The following DACH1 variants were observed in gnomAD, a reference collection of about 807,000 sequenced individuals.
The protein encoded by DACH1 is dachshund family transcription factor 1, also known as dachshund homolog 1.
Under a neutral mutation model 54.2 loss-of-function variants are expected in DACH1, and 12 were observed. The ratio of observed to expected loss-of-function variants is 0.22; its 90% CI spans 0.14 to 0.36. DACH1 has a LOEUF of 0.36. Among genes scored for constraint, DACH1 ranks in the 10% least tolerant of loss-of-function variants. The pLI, the probability that DACH1 is intolerant of heterozygous loss-of-function variation, is 1.00. For missense variants in DACH1, 805 were observed against 929.8 expected, an observed-to-expected ratio of 0.87 and a Z score of 1.75; for synonymous variants, 386 against 366.2, an observed-to-expected ratio of 1.05 and a Z score of -0.62.
intron 1 of DACH1, among the ~76,000 whole-genome samples, chr13:71,745,267 G>A (rs1884556666): frequency 6.6e-6 from 1 of 151,834 alleles, no homozygotes; most frequent in African/African-American, 2.4e-5. Context: ...TCTACTACAG[G>A]TTCATTATCA....
intron 1 of DACH1, among the ~76,000 whole-genome samples, chr13:71,800,726 T>C (rs1887258463): frequency 6.6e-6 from 1 of 152,104 alleles, no homozygotes; most frequent in African/African-American, 2.4e-5. Flanking sequence ...TGTAAGCCTG[T>C]TTTCTAGGAT....
At chr13:71,567,815 T>C (rs1884981956) in intron 4 of DACH1, among the ~76,000 whole-genome samples, 1 of 152,050 alleles carries the variant, frequency 6.6e-6, no homozygotes, top group Admixed American at 6.6e-5. Flanking sequence ...CTGCGTTTCT[T>C]CCTTTCACTA....
chr13:71,864,541 G>T (rs1161069716), intron 1 of DACH1, among the ~76,000 whole-genome samples: 3 of 152,064 alleles, frequency 2.0e-5, no homozygotes, highest in Non-Finnish European at 4.4e-5. Context: ...TTATTTGGAG[G>T]GTACCGAAGT....
chr13:71,823,541 C>T (rs940123842), intron 1 of DACH1, among the ~76,000 whole-genome samples: 1 of 151,950 alleles, frequency 6.6e-6, no homozygotes, highest in Non-Finnish European at 1.5e-5. Flanking sequence ...TGAAGTACTT[C>T]TGGATGTTAA....
At chr13:71,493,067 G>A (rs1426126386) in intron 6 of DACH1, among the ~76,000 whole-genome samples, 2 of 150,516 alleles carry the variant, frequency 1.3e-5, no homozygotes, top group African/African-American at 4.9e-5. Context: ...AGCACGAAGT[G>A]GCCTCTAAGA....
intron 1 of DACH1, among the ~76,000 whole-genome samples, chr13:71,732,044 A>G (rs1264791926): frequency 6.6e-6 from 1 of 152,154 alleles, no homozygotes; most frequent in African/African-American, 2.4e-5. Flanking sequence ...ACCTTTATAA[A>G]ACTTATGTTA....
At chr13:71,695,414 A>G (rs1296535614) in intron 1 of DACH1, among the ~76,000 whole-genome samples, 2 of 152,258 alleles carry the variant, frequency 1.3e-5, no homozygotes, top group African/African-American at 4.8e-5. Flanking sequence ...ATACATAGCT[A>G]TGACACTAAG....
chr13:71,604,975 A>T (rs979418552), intron 3 of DACH1, among the ~76,000 whole-genome samples: 3 of 151,838 alleles, frequency 2.0e-5, no homozygotes, highest in Admixed American at 2.0e-4. Flanking sequence ...CCCATTGACA[A>T]AGTGGTCTAT....
Position 71,559,931 on chromosome 13 carries a change from G to A in DACH1, c.1324C>T (p.Pro442Ser). 6.3e-7 allele frequency: 1 copy of A among 1,596,508 alleles called. No homozygotes were observed. The highest frequency in any genetic ancestry group is 8.5e-7 in the Non-Finnish European group (1 of 1,171,964). Residue 442 changes from proline to serine, a missense_variant, in exon 5 of 11, where the codon CCT (proline) becomes TCT (serine). Pro to Ser is a moderately conservative substitution (Grantham distance 74). This residue lies in a region of DACH1 where 472 missense variants were observed against 545.3 expected (regional missense o/e 0.87). Transcript: ENST00000613252. ...IKERVPDSPS[P>S]APSLEEGRRP... is the part of the protein sequence containing the mutation. ...CTCCCCTCCTCCAGAGAGGGGGCAG[G>A]TGAGGGGCTATCAGGAACACGCTCC...
intron 1 of DACH1, among the ~76,000 whole-genome samples, chr13:71,771,965 A>G (rs1885875263): frequency 6.6e-6 from 1 of 151,526 alleles, no homozygotes; most frequent in Admixed American, 6.6e-5. Context: ...ATAACGTGTT[A>G]TCTAAAGTTA....
intron 1 of DACH1, among the ~76,000 whole-genome samples, chr13:71,862,207 GA>G (rs1594315173): frequency 1.3e-5 from 2 of 151,866 alleles, no homozygotes; most frequent in Non-Finnish European, 2.9e-5. Flanking sequence ...AACAATGAAA[GA>G]AATGAATATT....
chr13:71,803,364 C>T (rs371072036), intron 1 of DACH1, among the ~76,000 whole-genome samples: 8 of 152,014 alleles, frequency 5.3e-5, no homozygotes, highest in Admixed American at 3.9e-4. Context: ...TTTTTTGATG[C>T]GTTTAACTAG....
rs571557296 is a variant in DACH1, at chr13:71,548,765, A to G, written c.1570+8259T>C. ...AACCTCATCTCCACTAAAAATACAA[A>G]AAGTAGCCGGTGTGGTGGCGTGTGC... On this transcript the variant is annotated intron_variant, in intron 6 of 10. Transcript: ENST00000613252. 2.0e-5 allele frequency among the ~76,000 whole-genome samples: 3 copies of G among 152,038 alleles called. 1 individual carries two copies. Among genetic ancestry groups the G allele is most frequent in the South Asian group, 4.2e-4 (2 of 4,808 alleles).
At chr13:71,589,496 A>G (rs918647383) in intron 3 of DACH1, among the ~76,000 whole-genome samples, 3 of 152,002 alleles carry the variant, frequency 2.0e-5, no homozygotes, top group African/African-American at 7.2e-5. Flanking sequence ...TAGTAAATAA[A>G]TGATGATCTC....
intron 1 of DACH1, among the ~76,000 whole-genome samples, chr13:71,827,127 G>C (rs1888411864): frequency 1.3e-5 from 2 of 152,024 alleles, no homozygotes; most frequent in Admixed American, 1.3e-4. Context: ...GAGTAGAAGA[G>C]AAAAAGCTGG....
chr13:71,531,982 T>C (rs561245171), intron 6 of DACH1, among the ~76,000 whole-genome samples: 1 of 152,106 alleles, frequency 6.6e-6, no homozygotes, highest in East Asian at 1.9e-4. Flanking sequence ...GTGCATACTA[T>C]ACTGTGTCTT....
chr13:71,513,347 T>C (rs916990139), intron 6 of DACH1, among the ~76,000 whole-genome samples: 1 of 151,994 alleles, frequency 6.6e-6, no homozygotes, highest in African/African-American at 2.4e-5. Flanking sequence ...TTAATGAGGT[T>C]TGATTGTACC....
At chr13:71,845,390 T>A (rs1423510023) in intron 1 of DACH1, among the ~76,000 whole-genome samples, 2 of 152,126 alleles carry the variant, frequency 1.3e-5, no homozygotes, top group Non-Finnish European at 2.9e-5. Context: ...TACCAAACTA[T>A]AATACTTTTT....
chr13:71,656,017 GC>G (rs2138637673), intron 2 of DACH1, among the ~76,000 whole-genome samples: 1 of 152,336 alleles, frequency 6.6e-6, no homozygotes, highest in South Asian at 2.1e-4. Flanking sequence ...CTTGAAACTT[GC>G]GTGACATACT....
Sources: gnomAD v4.1 joint callset for allele counts (sites outside exome capture counted in the v4.1 genomes callset) on GRCh38, gnomAD v4.1.1 for gene constraint, gnomAD v4.1.1 regional missense constraint, MANE v1.5 for transcripts, NCBI Gene and HGNC (gene_info 2026-07-23, HGNC 2026-07-21) for gene names.